The following ANK3 variants were observed in gnomAD, a reference collection of about 807,000 sequenced individuals.
ANK3 encodes the protein ankyrin 3.
A neutral mutation model predicts 370.9 loss-of-function variants in ANK3; 57 were observed. That is an observed-to-expected ratio of 0.15 (90% CI 0.12 to 0.19). The LOEUF is 0.19. Ranked by LOEUF, ANK3 falls within the 10% of genes least tolerant of loss-of-function variation. ANK3 has a pLI of 1.00. For synonymous variants in ANK3, 1,929 were observed against 1,946.3 expected (o/e 0.99, Z 0.23); for missense variants, 4,439 against 5,302.1 (o/e 0.84, Z 5.06).
Position 60,080,503 on chromosome 10 carries a change from C to T in ANK3, c.4432+34G>A, listed in dbSNP as rs755246500. The T allele has an allele frequency of 3.7e-5, 59 of 1,573,680 alleles. No homozygotes were observed. In the Admixed American group the frequency reaches 6.5e-4, roughly 17 times the overall value. ...AAAAAATGTCTCTTCTTATGAAAAT[C>T]CACGTAGATTAGTAAATGTGTTAGG... On this transcript the variant is annotated intron_variant, in intron 36 of 43. Coordinates refer to ENST00000280772, the MANE Select transcript of ANK3 (RefSeq NM_020987.5).
chr10:60,141,588 C>CTTTTTTTTTTTTTTTT (rs1266607487), intron 23 of ANK3, among the ~76,000 whole-genome samples: 1 of 24,880 alleles, frequency 4.0e-5, no homozygotes, highest in African/African-American at 1.8e-4. Context: ...TTTTTTTTTG[C>CTTTTTTTTTTTTTTTT]TTCCCTCCAG....
chr10:60,479,913 T>C (rs1188169504), intron 2 of ANK3, among the ~76,000 whole-genome samples: 1 of 152,172 alleles, frequency 6.6e-6, no homozygotes, highest in Non-Finnish European at 1.5e-5. Context: ...ATAGATTACT[T>C]GAGGGAAGGG....
At position 60,288,889 on chromosome 10, in the gene ANK3, A is replaced by AACACACACACAC. The variant is rs35560146; in HGVS notation, c.115-9262_115-9251dup. Among the ~76,000 whole-genome samples, 1,109 of 139,296 alleles carry AACACACACACAC rather than the reference A, an allele frequency of 8.0e-3. 12 individuals carry two copies. Among genetic ancestry groups the AACACACACACAC allele is most frequent in the African/African-American group, 0.023 (842 of 36,500 alleles). The allele number at this position is 139,296 out of a possible 152,430, so 91.4% of individuals were successfully genotyped here. ...CCTCAAGGATCTCCCAGGTAGGAAT[A>AACACACACACAC]ACACACACACACACACACACACACA... On this transcript the variant is annotated intron_variant, in intron 1 of 43. Coordinates refer to ENST00000280772, the MANE Select transcript of ANK3 (RefSeq NM_020987.5).
rs143516594 is a variant in ANK3 at position 60,472,339 on chromosome 10, T to C, written c.96+142847A>G. ...AAAAATCCCTTGATAATTTATATCA[T>C]CACATAGATTTCCAGTAACAATTCA... On this transcript the variant is annotated intron_variant, in intron 2 of 43. Coordinates refer to the ANK3 transcript ENST00000373827. Among the ~76,000 whole-genome samples, 117 of 152,306 alleles carry C rather than the reference T, an allele frequency of 7.7e-4. 3 individuals are homozygous for C. In the East Asian group the frequency reaches 0.019, roughly 24 times the overall value.
At chr10:60,432,588 T>A (rs143065059) in intron 2 of ANK3, among the ~76,000 whole-genome samples, 22 of 152,334 alleles carry the variant, frequency 1.4e-4, no homozygotes, top group African/African-American at 5.1e-4. Context: ...CCATGGAGTA[T>A]GTCAGCTCCC....
At chr10:60,493,865 T>A (rs1203561819) in intron 2 of ANK3, among the ~76,000 whole-genome samples, 1 of 152,186 alleles carries the variant, frequency 6.6e-6, no homozygotes, top group Non-Finnish European at 1.5e-5. Context: ...TTGGTAATAC[T>A]AACATTTTAA....
At chr10:60,454,611 C>G (rs1415917745) in intron 2 of ANK3, among the ~76,000 whole-genome samples, 1 of 152,120 alleles carries the variant, frequency 6.6e-6, no homozygotes, top group Admixed American at 6.6e-5. Flanking sequence ...CAAAAATAGG[C>G]CACCCTTTGG....
chr10:60,490,754 C>T (rs374452634), intron 2 of ANK3, among the ~76,000 whole-genome samples: 260 of 152,286 alleles, frequency 1.7e-3, no homozygotes, highest in African/African-American at 5.9e-3. Context: ...TCCCACTTCC[C>T]TTGCTATTGC....
chr10:60,301,101 A>G (rs2132800571), intron 1 of ANK3, among the ~76,000 whole-genome samples: 1 of 149,554 alleles, frequency 6.7e-6, no homozygotes, highest in South Asian at 2.1e-4. Context: ...GAAAAAAACC[A>G]AACAACTCAT....
intron 26 of ANK3, among the ~76,000 whole-genome samples, chr10:60,112,369 C>T (rs975295152): frequency 2.0e-5 from 3 of 151,368 alleles, no homozygotes; most frequent in African/African-American, 7.3e-5. Flanking sequence ...TTTTCTTTTG[C>T]TTTTCCAATA....
rs755693713 is a variant in ANK3, at chr10:60,068,606, G to A, written c.12244+31C>T. On this transcript the variant is annotated intron_variant, in intron 37 of 43. Transcript: ENST00000280772. ...TCGTTCTCCAGGATGTGAGCAGAGT[G>A]CTCGAGAGACCTGACTGCCTTCATT... 1.7e-5 allele frequency: 26 copies of A among 1,564,256 alleles called. No individual in the cohort carries two copies. The East Asian group carries it at 3.8e-4, about 23-fold the overall frequency.
intron 18 of ANK3, among the ~76,000 whole-genome samples, chr10:60,178,466 A>C (rs1193340822): frequency 6.6e-6 from 1 of 152,234 alleles, no homozygotes; most frequent in African/African-American, 2.4e-5. Flanking sequence ...AAACAAAATA[A>C]TAAATGAAAA....
At chr10:60,425,740 T>A (rs1340446438) in intron 2 of ANK3, among the ~76,000 whole-genome samples, 1 of 152,150 alleles carries the variant, frequency 6.6e-6, no homozygotes, top group African/African-American at 2.4e-5. Context: ...AGGGAACGGC[T>A]GAGGTAAGTC....
chr10:60,476,337 T>C (rs902415860), intron 2 of ANK3, among the ~76,000 whole-genome samples: 5 of 152,188 alleles, frequency 3.3e-5, no homozygotes, highest in African/African-American at 9.6e-5. Context: ...GACTTGATGA[T>C]GTAAATTGTA....
At chr10:60,252,994 C>T (rs2097689773) in intron 7 of ANK3, among the ~76,000 whole-genome samples, 1 of 152,216 alleles carries the variant, frequency 6.6e-6, no homozygotes, top group South Asian at 2.1e-4. Context: ...ATTCAATCAT[C>T]ACATTGATAG....
rs753225850 is a variant in ANK3, at chr10:60,389,455, G to A, written c.84C>T (p.His28=). 8.7e-6 allele frequency: 14 copies of A among 1,613,962 alleles called. No homozygotes were observed. The highest frequency in any genetic ancestry group is 1.1e-5 in the Non-Finnish European group (13 of 1,179,948). Residue 28 remains histidine, a synonymous_variant, in exon 1 of 44, where the codon CAC becomes CAT. Coordinates refer to ENST00000280772, the MANE Select transcript of ANK3 (RefSeq NM_020987.5). ...TCTTCCGATCCCGGGACCGTTTGCG[G>A]TGTTTCCTTTTTTTCTCAGGCTCTT... ...AEEEPEKKRK[H]RKRSRDRKKK... is the part of the protein sequence containing the mutation.
At chr10:60,496,995 T>G (rs1485141620) in intron 2 of ANK3, among the ~76,000 whole-genome samples, 1 of 152,120 alleles carries the variant, frequency 6.6e-6, no homozygotes, top group Non-Finnish European at 1.5e-5. Flanking sequence ...CAGTATCAGT[T>G]TTAGAAAAAA....
At chr10:60,694,455 C>A (rs1322885957) in intron 1 of ANK3, among the ~76,000 whole-genome samples, 1 of 152,000 alleles carries the variant, frequency 6.6e-6, no homozygotes, top group Non-Finnish European at 1.5e-5. Flanking sequence ...TCAGATTCAC[C>A]AAAGTTGAAA....
At chr10:60,486,601 A>G (rs1227189389) in intron 2 of ANK3, among the ~76,000 whole-genome samples, 2 of 152,116 alleles carry the variant, frequency 1.3e-5, no homozygotes, top group Non-Finnish European at 2.9e-5. Context: ...AATGAAACCT[A>G]TGGTTATTTG....
Sources: allele counts gnomAD v4.1 joint callset (sites outside exome capture counted in the v4.1 genomes callset), GRCh38; gene constraint gnomAD v4.1.1; transcripts MANE v1.5; gene names NCBI Gene and HGNC (gene_info 2026-07-23, HGNC 2026-07-21).